Variants in ASAP1 observed in about 807,000 individuals in gnomAD.
ASAP1 encodes the protein arf-GAP with SH3 domain, ANK repeat and PH domain-containing protein 1.
ASAP1 carries 43 observed loss-of-function variants against 145.2 expected under a neutral mutation model. That is an observed-to-expected ratio of 0.30 (90% CI 0.23 to 0.38). ASAP1 has a LOEUF of 0.38. ASAP1 is among the 10% of genes least tolerant of loss of function. The pLI is 1.00. For synonymous variants in ASAP1, 546 were observed against 515.5 expected (o/e 1.06, Z -0.80); for missense variants, 1,018 against 1,355.3 (o/e 0.75, Z 3.91).
At chr8:130,324,187 TCCTG>T (rs1450555611) in intron 3 of ASAP1, among the ~76,000 whole-genome samples, 1 of 152,204 alleles carries the variant, frequency 6.6e-6, no homozygotes, top group African/African-American at 2.4e-5. Context: ...GCCTCCCTGG[TCCTG>T]CCAGAAGCAT....
Position 130,358,243 on chromosome 8 carries a change from A to G in ASAP1, c.60-100T>C. The G allele has an allele frequency of 3.2e-6, 3 of 936,022 alleles. No individual in the cohort carries two copies. The South Asian group carries it at 1.5e-4, about 47-fold the overall frequency. 58.0% of individuals were successfully genotyped at this position (936,022 alleles called of 1,614,324 possible). On this transcript the variant is annotated intron_variant, in intron 2 of 29. Coordinates refer to ENST00000518721, the MANE Select transcript of ASAP1 (RefSeq NM_018482.4). This position sits in a 1 kb window ranked among gnomAD's most constrained non-coding sequence, Gnocchi z 4.1. Reference sequence around the variant, plus strand: ...CGGAGGCTCATGAACCCCGGCGCGCAGCCCGCCACCCGCCGCCCGGCCTGG... The same window carrying G: ...CGGAGGCTCATGAACCCCGGCGCGCGGCCCGCCACCCGCCGCCCGGCCTGG...
chr8:130,105,944 G>A (rs1308763930), intron 24 of ASAP1, among the ~76,000 whole-genome samples: 1 of 152,140 alleles, frequency 6.6e-6, no homozygotes, highest in East Asian at 1.9e-4. Flanking sequence ...AAGAGACTTA[G>A]GGCTGATTCT....
intron 3 of ASAP1, among the ~76,000 whole-genome samples, chr8:130,356,490 C>G (rs117882043): frequency 7.3e-4 from 111 of 152,174 alleles, no homozygotes; most frequent in Non-Finnish European, 1.4e-3. Flanking sequence ...CCTGGCAATT[C>G]TGTTTAATCC....
In ASAP1 at chr8:130,113,537, C is replaced by G. The variant is rs938937867; in HGVS notation, c.2173-1215G>C. On this transcript the variant is annotated intron_variant, in intron 23 of 29. Coordinates refer to ENST00000518721, the MANE Select transcript of ASAP1 (RefSeq NM_018482.4). ...CTTAAAGTTGTTAAGGCTTGAGGAC[C>G]TCTTTGGCCATTCCTTACATCCTGC... Among the ~76,000 whole-genome samples the G allele has an allele frequency of 3.9e-5, 6 of 152,112 alleles. No individual in the cohort carries two copies. In the South Asian group the frequency reaches 1.2e-3, roughly 32 times the overall value.
intron 13 of ASAP1, among the ~76,000 whole-genome samples, chr8:130,150,902 G>A (rs1332395798): frequency 2.0e-5 from 3 of 151,648 alleles, no homozygotes; most frequent in Non-Finnish European, 2.9e-5. Flanking sequence ...ACAAAAACAT[G>A]GTAACTGACT....
At chr8:130,401,450 G>A (rs1014049860) in intron 2 of ASAP1, among the ~76,000 whole-genome samples, 71 of 152,180 alleles carry the variant, frequency 4.7e-4, no homozygotes, top group Middle Eastern at 6.8e-3. Context: ...TCGCCATGTT[G>A]GTCAGGCTGG....
chr8:130,283,617 A>G (rs1821406634), intron 3 of ASAP1, among the ~76,000 whole-genome samples: 1 of 148,408 alleles, frequency 6.7e-6, no homozygotes, highest in Non-Finnish European at 1.5e-5. Flanking sequence ...AAAAAAAAGA[A>G]GGCAGGATGC....
At chr8:130,380,014 G>A (rs559844815) in intron 2 of ASAP1, among the ~76,000 whole-genome samples, 10 of 152,300 alleles carry the variant, frequency 6.6e-5, no homozygotes, top group African/African-American at 2.4e-4. Context: ...CTGACAGTGG[G>A]CAGCTAGCCT....
chr8:130,336,292 A>G (rs1212227576), intron 3 of ASAP1, among the ~76,000 whole-genome samples: 6 of 152,214 alleles, frequency 3.9e-5, no homozygotes, highest in Admixed American at 3.9e-4. Context: ...GTTTAAGGTT[A>G]TATATACATC....
chr8:130,139,230 T>G (rs972395907), intron 13 of ASAP1, among the ~76,000 whole-genome samples: 13 of 152,184 alleles, frequency 8.5e-5, no homozygotes, highest in African/African-American at 2.9e-4. Context: ...GGTGACTTAA[T>G]GACCATCTTC....
intron 3 of ASAP1, among the ~76,000 whole-genome samples, chr8:130,352,912 C>A (rs1156628993): frequency 6.6e-6 from 1 of 152,146 alleles, no homozygotes; most frequent in African/African-American, 2.4e-5. Flanking sequence ...GCCTCTAATG[C>A]CAGACCCAAA....
intron 1 of ASAP1, among the ~76,000 whole-genome samples, chr8:130,439,217 G>T (rs1208127852): frequency 2.6e-5 from 4 of 152,082 alleles, no homozygotes; most frequent in Non-Finnish European, 5.9e-5. Context: ...ATATGCAAGT[G>T]GCCTCCTGAT....
At chr8:130,066,722 G>T (rs1314724038) in intron 27 of ASAP1, among the ~76,000 whole-genome samples, 1 of 152,076 alleles carries the variant, frequency 6.6e-6, no homozygotes, top group Non-Finnish European at 1.5e-5. Flanking sequence ...CTAACCTAAA[G>T]GCATGGGCAG....
chr8:130,172,424 C>T (rs1462870747), intron 9 of ASAP1, among the ~76,000 whole-genome samples: 1 of 152,034 alleles, frequency 6.6e-6, no homozygotes, highest in Non-Finnish European at 1.5e-5. Flanking sequence ...CCAGAAACTA[C>T]TGAAATAAAC....
At chr8:130,326,405 T>A (rs969802462) in intron 3 of ASAP1, among the ~76,000 whole-genome samples, 1 of 152,150 alleles carries the variant, frequency 6.6e-6, no homozygotes, top group Non-Finnish European at 1.5e-5. Context: ...TGCAATAGGA[T>A]CCCCAATTTA....
At chr8:130,113,919 C>A (rs2097550619) in intron 23 of ASAP1, among the ~76,000 whole-genome samples, 1 of 151,990 alleles carries the variant, frequency 6.6e-6, no homozygotes, top group South Asian at 2.1e-4. Context: ...GCAGCTGGGA[C>A]CACAGGCGCA....
At chr8:130,107,180 C>CT (rs375105720) in intron 24 of ASAP1, among the ~76,000 whole-genome samples, 17,157 of 112,684 alleles carry the variant, frequency 0.15, 1,905 homozygotes, top group African/African-American at 0.2. Context: ...CTCTCTTCTT[C>CT]TTCTTTTTTT....
chr8:130,431,580 G>T (rs568958605), intron 1 of ASAP1, among the ~76,000 whole-genome samples: 11 of 152,178 alleles, frequency 7.2e-5, no homozygotes, highest in African/African-American at 2.7e-4. Context: ...TCGGCTCAAG[G>T]ATTACACCTT....
rs1816034055 is a variant in ASAP1 at position 130,203,958 on chromosome 8, A to G, written c.405+10598T>C. ...TTTTAACTTAAATTAATTTAAAAGT[A>G]AATTTTACATTATGTCCAAAACAGG... On this transcript the variant is annotated intron_variant, in intron 5 of 29. Transcript: ENST00000518721. Among the ~76,000 whole-genome samples the G allele has an allele frequency of 2.0e-5, 3 of 152,222 alleles. No individual in the cohort carries two copies. In the South Asian group the frequency reaches 6.2e-4, roughly 32 times the overall value.
Sources: gnomAD v4.1 joint callset for allele counts (sites outside exome capture counted in the v4.1 genomes callset) on GRCh38, gnomAD v4.1.1 for gene constraint, Gnocchi (gnomAD v3.1) non-coding constraint, MANE v1.5 for transcripts, NCBI Gene and HGNC (gene_info 2026-07-23, HGNC 2026-07-21) for gene names.